The following MAML3 variants were observed in gnomAD, a reference collection of about 807,000 sequenced individuals.
MAML3 encodes the protein mastermind-like protein 3.
Under a neutral mutation model 101.9 loss-of-function variants are expected in MAML3, and 27 were observed. That is an observed-to-expected ratio of 0.27 (90% CI 0.20 to 0.37). MAML3 has a LOEUF of 0.37. Ranked by LOEUF, MAML3 falls within the 10% of genes least tolerant of loss-of-function variation. The probability of loss-of-function intolerance (pLI) is 1.00; values close to 1 mark genes in which losing one functional copy is unlikely to be tolerated. For missense variants in MAML3, 1,316 were observed against 1,444.9 expected (o/e 0.91, Z 1.45); for synonymous variants, 501 against 555.9 (o/e 0.90, Z 1.39).
intron 1 of MAML3, among the ~76,000 whole-genome samples, chr4:140,043,471 T>G (rs943799815): frequency 2.6e-5 from 4 of 152,220 alleles, no homozygotes; most frequent in African/African-American, 9.7e-5. Flanking sequence ...ATTCATGACC[T>G]TCCAAAAATT....
intron 1 of MAML3, among the ~76,000 whole-genome samples, chr4:140,078,522 A>C (rs1727812937): frequency 6.6e-6 from 1 of 151,990 alleles, no homozygotes; most frequent in Non-Finnish European, 1.5e-5. Context: ...CAGGGATCTC[A>C]CTTGCCACAG....
intron 2 of MAML3, among the ~76,000 whole-genome samples, chr4:139,822,950 G>C (rs890849363): frequency 2.6e-5 from 4 of 152,156 alleles, no homozygotes; most frequent in Non-Finnish European, 1.5e-5. Context: ...CAGGGGCCTG[G>C]GGGTATTTAT....
intron 1 of MAML3, among the ~76,000 whole-genome samples, chr4:139,957,553 C>T (rs759474764): frequency 1.3e-5 from 2 of 152,176 alleles, no homozygotes; most frequent in African/African-American, 2.4e-5. Flanking sequence ...GTAGAGTTCC[C>T]TTTATCACAG....
intron 1 of MAML3, among the ~76,000 whole-genome samples, chr4:139,994,981 C>T (rs879457373): frequency 6.6e-6 from 1 of 152,204 alleles, no homozygotes; most frequent in South Asian, 2.1e-4. Flanking sequence ...TAGTGGGAAA[C>T]CATATCATCT....
chr4:139,760,596 C>T (rs61473137), intron 2 of MAML3, among the ~76,000 whole-genome samples: 3 of 152,096 alleles, frequency 2.0e-5, no homozygotes, highest in Non-Finnish European at 2.9e-5. Flanking sequence ...AACACCAAGG[C>T]GCTTCATTGC....
At chr4:139,832,093 C>CTTTTTTTTTTTTTTTTTT (rs1337533072) in intron 2 of MAML3, among the ~76,000 whole-genome samples, 1 of 98,406 alleles carries the variant, frequency 1.0e-5, no homozygotes. Flanking sequence ...ATGCCCAGCC[C>CTTTTTTTTTTTTTTTTTT]CTTTTTTTTT....
intron 2 of MAML3, among the ~76,000 whole-genome samples, chr4:139,824,307 T>C (rs979802103): frequency 6.6e-6 from 1 of 152,218 alleles, no homozygotes; most frequent in Non-Finnish European, 1.5e-5. Context: ...GCCGCACGCA[T>C]TTGTTTTCAG....
intron 2 of MAML3, among the ~76,000 whole-genome samples, chr4:139,805,934 T>C (rs1344152406): frequency 1.3e-5 from 2 of 152,020 alleles, no homozygotes; most frequent in Non-Finnish European, 2.9e-5. Context: ...GTTAAAAATA[T>C]GGGGAAAGGA....
intron 1 of MAML3, among the ~76,000 whole-genome samples, chr4:139,942,560 G>A (rs1733628165): frequency 6.6e-6 from 1 of 151,932 alleles, no homozygotes; most frequent in African/African-American, 2.4e-5. Context: ...CTTTGTTTTA[G>A]GCTGTATATT....
At chr4:139,729,860 G>A (rs1728630776) in intron 3 of MAML3, among the ~76,000 whole-genome samples, 1 of 152,158 alleles carries the variant, frequency 6.6e-6, no homozygotes, top group African/African-American at 2.4e-5. Context: ...AAAAGCTGTG[G>A]GGAGTTTTCT....
At position 140,009,066 on chromosome 4, in the gene MAML3, TTAATA is replaced by T. The variant is rs558842506; in HGVS notation, c.469-118104_469-118100del. Among the ~76,000 whole-genome samples the T allele has an allele frequency of 9.6e-4, 147 of 152,348 alleles. 1 individual carries two copies. The South Asian group carries it at 0.014, about 14-fold the overall frequency. On this transcript the variant is annotated intron_variant, in intron 1 of 4. Coordinates refer to ENST00000509479, the MANE Select transcript of MAML3 (RefSeq NM_018717.5). ...AGTTAATTTCCGTGACTTTGAGTTCTTAATATAATAGCATGATAGATACCCAACAT... is the reference window on the plus strand; with the variant it reads ...AGTTAATTTCCGTGACTTTGAGTTCTTAATAGCATGATAGATACCCAACAT...
intron 1 of MAML3, among the ~76,000 whole-genome samples, chr4:139,938,947 T>G (rs1405998004): frequency 6.6e-6 from 1 of 152,246 alleles, no homozygotes; most frequent in Non-Finnish European, 1.5e-5. Flanking sequence ...TTATAACTCT[T>G]AATGCATATA....
intron 1 of MAML3, among the ~76,000 whole-genome samples, chr4:140,027,228 T>G (rs1726841232): frequency 6.6e-6 from 1 of 152,232 alleles, no homozygotes; most frequent in African/African-American, 2.4e-5. Context: ...CCCTAGTTAC[T>G]TCTCTGGGAT....
chr4:139,951,235 C>T (rs2110758027), intron 1 of MAML3, among the ~76,000 whole-genome samples: 1 of 152,328 alleles, frequency 6.6e-6, no homozygotes, highest in Non-Finnish European at 1.5e-5. Flanking sequence ...TCCACCATTG[C>T]CCAAAGCTGT....
At chr4:139,812,080 C>T (rs906419236) in intron 2 of MAML3, among the ~76,000 whole-genome samples, 1 of 152,054 alleles carries the variant, frequency 6.6e-6, no homozygotes, top group Admixed American at 6.6e-5. Context: ...CAGAGCTAGA[C>T]CCTGTCTCTA....
chr4:139,884,908 C>T (rs1312755381), intron 2 of MAML3, among the ~76,000 whole-genome samples: 1 of 152,156 alleles, frequency 6.6e-6, no homozygotes, highest in Non-Finnish European at 1.5e-5. Context: ...CAAAAATCAG[C>T]TAAAGTGTGT....
In MAML3 at chr4:140,131,484, C is replaced by T. The variant is rs75212773; in HGVS notation, c.468+21376G>A. Among the ~76,000 whole-genome samples, 59 of 152,266 alleles carry T rather than the reference C, an allele frequency of 3.9e-4. 1 individual carries two copies. In the East Asian group the frequency reaches 0.011, roughly 28 times the overall value. On this transcript the variant is annotated intron_variant, in intron 1 of 4. Coordinates refer to ENST00000509479, the MANE Select transcript of MAML3 (RefSeq NM_018717.5). Reference sequence around the variant, plus strand: ...AGGTACCTTGGAATTTGTGCAGAACCACAAAGATGCTTTAGAAGGTAACAA... The same window carrying T: ...AGGTACCTTGGAATTTGTGCAGAACTACAAAGATGCTTTAGAAGGTAACAA...
intron 2 of MAML3, among the ~76,000 whole-genome samples, chr4:139,750,989 T>G (rs1002297128): frequency 6.6e-6 from 1 of 152,210 alleles, no homozygotes; most frequent in African/African-American, 2.4e-5. Context: ...GCAAGCTGCC[T>G]CCTGTGATTC....
At chr4:139,983,397 T>C (rs550867848) in intron 1 of MAML3, among the ~76,000 whole-genome samples, 53 of 152,324 alleles carry the variant, frequency 3.5e-4, no homozygotes, top group Non-Finnish European at 5.9e-4. Flanking sequence ...TATGTTATAA[T>C]AGAGAGGTAA....
Sources: allele counts gnomAD v4.1 joint callset (sites outside exome capture counted in the v4.1 genomes callset), GRCh38; gene constraint gnomAD v4.1.1; transcripts MANE v1.5; gene names NCBI Gene and HGNC (gene_info 2026-07-23, HGNC 2026-07-21).